Variants in CHN2 observed in about 807,000 individuals in gnomAD.
The protein encoded by CHN2 is chimerin 2, also known as beta-chimaerin.
In CHN2, 35 loss-of-function variants were observed where a neutral mutation model predicts 56.3. The ratio of observed to expected loss-of-function variants is 0.62; its 90% CI spans 0.47 to 0.82. The LOEUF (loss-of-function observed/expected upper bound fraction) is 0.82. CHN2 is among the 40% of genes least tolerant of loss of function. The pLI is 0.00. For missense variants in CHN2, 491 were observed against 580.5 expected (o/e 0.85, Z 1.58); for synonymous variants, 210 against 212.8 (o/e 0.99, Z 0.12).
At chr7:29,411,658 C>T (rs1212082238) in intron 6 of CHN2, among the ~76,000 whole-genome samples, 1 of 152,128 alleles carries the variant, frequency 6.6e-6, no homozygotes, top group African/African-American at 2.4e-5. Flanking sequence ...AGGAGCCAGG[C>T]CTTTCACCCT....
intron 1 of CHN2, among the ~76,000 whole-genome samples, chr7:29,346,186 C>T (rs1024179039): frequency 1.6e-4 from 25 of 152,296 alleles, no homozygotes; most frequent in African/African-American, 3.4e-4. Context: ...ACCATTTGGC[C>T]GTGCTGGCCT....
At chr7:29,485,581 G>A (rs1430766758) in intron 7 of CHN2, among the ~76,000 whole-genome samples, 1 of 152,216 alleles carries the variant, frequency 6.6e-6, no homozygotes, top group Non-Finnish European at 1.5e-5. Context: ...AGCCCAAGTA[G>A]ATAAATAGAT....
chr7:29,499,645 C>G (rs890761194), intron 8 of CHN2, among the ~76,000 whole-genome samples: 1 of 152,004 alleles, frequency 6.6e-6, no homozygotes, highest in Non-Finnish European at 1.5e-5. Context: ...TAAGGTCCAG[C>G]GACAGAGAAG....
chr7:29,350,282 A>G (rs1234956379), intron 1 of CHN2, among the ~76,000 whole-genome samples: 2 of 150,348 alleles, frequency 1.3e-5, no homozygotes, highest in Admixed American at 1.3e-4. Context: ...AATGACCTTG[A>G]AAACCTATTT....
chr7:29,394,750 T>C (rs1801613279), intron 4 of CHN2, among the ~76,000 whole-genome samples: 1 of 152,208 alleles, frequency 6.6e-6, no homozygotes, highest in African/African-American at 2.4e-5. Flanking sequence ...GCACAATTAA[T>C]TTAAAAAAAT....
chr7:29,432,541 A>G (rs745335626), intron 6 of CHN2, among the ~76,000 whole-genome samples: 2 of 152,146 alleles, frequency 1.3e-5, no homozygotes, highest in Non-Finnish European at 2.9e-5. Context: ...TCAGGAATCT[A>G]TACTATACTC....
chr7:29,414,808 C>G (rs1803567644), intron 6 of CHN2, among the ~76,000 whole-genome samples: 1 of 152,172 alleles, frequency 6.6e-6, no homozygotes, highest in Non-Finnish European at 1.5e-5. Context: ...TACACAGCAT[C>G]TTCCAGTTCT....
chr7:29,237,787 GAC>G lies in CHN2; in HGVS notation c.49+42799_49+42800del, dbSNP rs1256934250. Among the ~76,000 whole-genome samples the G allele has an allele frequency of 2.0e-5, 3 of 152,240 alleles. No individual in the cohort carries two copies. In the East Asian group the frequency reaches 5.8e-4, roughly 30 times the overall value. On this transcript the variant is annotated intron_variant, in intron 1 of 12. Transcript: ENST00000222792. ...GAGAGATGCATATAGGAGACCAGTGGACAAAGGAGGGGTTGAATAATGCTTGC... is the reference window on the plus strand; with the variant it reads ...GAGAGATGCATATAGGAGACCAGTGGAAAGGAGGGGTTGAATAATGCTTGC...
At chr7:29,372,790 C>A (rs1300340721) in intron 3 of CHN2, among the ~76,000 whole-genome samples, 1 of 152,176 alleles carries the variant, frequency 6.6e-6, no homozygotes, top group Non-Finnish European at 1.5e-5. Context: ...TTCTTCTTGG[C>A]CTCTCCAAAA....
intron 1 of CHN2, among the ~76,000 whole-genome samples, chr7:29,265,545 G>A (rs1790070061): frequency 6.6e-6 from 1 of 152,230 alleles, no homozygotes; most frequent in African/African-American, 2.4e-5. Context: ...GACTCCTGGA[G>A]TGAAGACAGA....
chr7:29,164,114 C>A (rs1299524272), intron 2 of CHN2, among the ~76,000 whole-genome samples: 1 of 152,188 alleles, frequency 6.6e-6, no homozygotes, highest in African/African-American at 2.4e-5. Context: ...ATTTTCCATT[C>A]CCACCAGCAG....
intron 1 of CHN2, among the ~76,000 whole-genome samples, chr7:29,211,734 C>T (rs577490134): frequency 4.6e-5 from 7 of 152,254 alleles, no homozygotes; most frequent in Admixed American, 3.9e-4. Context: ...ATACAGAACA[C>T]CCTATAGGCC....
At chr7:29,346,889 G>T (rs1797481971) in intron 1 of CHN2, among the ~76,000 whole-genome samples, 1 of 152,120 alleles carries the variant, frequency 6.6e-6, no homozygotes, top group East Asian at 1.9e-4. Flanking sequence ...TGCTCCTCAG[G>T]TGATTCCATC....
At chr7:29,360,054 G>T (rs1798603867) in intron 2 of CHN2, among the ~76,000 whole-genome samples, 1 of 152,202 alleles carries the variant, frequency 6.6e-6, no homozygotes, top group Non-Finnish European at 1.5e-5. Flanking sequence ...TTATTCCTCA[G>T]CCTTACCCCA....
intron 1 of CHN2, among the ~76,000 whole-genome samples, chr7:29,206,918 A>G (rs983539357): frequency 2.6e-5 from 4 of 152,206 alleles, no homozygotes; most frequent in Non-Finnish European, 5.9e-5. Context: ...CAGAAAGTAG[A>G]TGAGTTGTCC....
At chr7:29,394,311 T>C (rs1801575186) in intron 4 of CHN2, among the ~76,000 whole-genome samples, 1 of 152,152 alleles carries the variant, frequency 6.6e-6, no homozygotes, top group Admixed American at 6.5e-5. Context: ...TAATTCGCAG[T>C]CTAAGCCTAT....
intron 11 of CHN2, 75 bp downstream of exon 11, chr7:29,507,440 A>G: frequency 9.0e-7 from 1 of 1,113,654 alleles, no homozygotes; most frequent in Non-Finnish European, 1.3e-6. Flanking sequence ...GATAATTAAA[A>G]CTCAGAACTG....
intron 1 of CHN2, among the ~76,000 whole-genome samples, chr7:29,228,145 AAT>A (rs139728472): frequency 0.011 from 1,641 of 148,558 alleles, 18 homozygotes; most frequent in African/African-American, 0.032. Context: ...TACACACACT[AAT>A]ATATATATAT....
intron 1 of CHN2, among the ~76,000 whole-genome samples, chr7:29,262,504 C>T (rs1323552130): frequency 6.6e-6 from 1 of 152,174 alleles, no homozygotes; most frequent in Non-Finnish European, 1.5e-5. Flanking sequence ...AAAGATCTTT[C>T]TTTGAAATCA....
Sources: allele counts gnomAD v4.1 joint callset (sites outside exome capture counted in the v4.1 genomes callset), GRCh38; gene constraint gnomAD v4.1.1; transcripts MANE v1.5; gene names NCBI Gene and HGNC (gene_info 2026-07-23, HGNC 2026-07-21).